The following EFNA1 variants were observed in gnomAD, a reference collection of about 807,000 sequenced individuals.
EFNA1 encodes ephrin A1.
Under a neutral mutation model 23.2 loss-of-function variants are expected in EFNA1, and 8 were observed. The ratio of observed to expected loss-of-function variants is 0.34; its 90% CI spans 0.20 to 0.62. EFNA1 has a LOEUF of 0.62. Among genes scored for constraint, EFNA1 ranks in the 20% least tolerant of loss-of-function variants. The probability of loss-of-function intolerance (pLI) is 0.75; values close to 1 mark genes in which losing one functional copy is unlikely to be tolerated. For missense variants in EFNA1, 217 were observed against 260.0 expected (o/e 0.83, Z 1.14); for synonymous variants, 89 against 98.6 (o/e 0.90, Z 0.58).
chr1:155,129,543 A>G (rs1012618628), intron 1 of EFNA1: 1 of 119,506 alleles, frequency 8.4e-6, no homozygotes. Flanking sequence ...ACACACACAC[A>G]CACACGCACA....
chr1:155,133,973 T>C lies in EFNA1; in HGVS notation c.524T>C (p.Val175Ala), dbSNP rs771450050. 19 of 1,613,800 alleles carry C rather than the reference T, an allele frequency of 1.2e-5. No individual in the cohort carries two copies. In the Admixed American group the frequency reaches 3.2e-4, roughly 27 times the overall value. Residue 175 changes from valine (V) to alanine (A), a missense_variant, in exon 5 of 5, where the codon GTT becomes GCT. By Grantham distance (64) the Val-to-Ala change is moderately conservative. Coordinates refer to ENST00000368407, the MANE Select transcript of EFNA1 (RefSeq NM_004428.3). ...CTTGCAGATGACCCAGAGGTGCGGG[T>C]TCTACATAGCATCGGTCACAGTGCT... Reference protein sequence around the residue: ...RLAADDPEVRVLHSIGHSAAP... With the variant: ...RLAADDPEVRALHSIGHSAAP...
chr1:155,132,896 CAGG>C (rs1388279580), intron 2 of EFNA1, among the ~76,000 whole-genome samples: 2 of 137,578 alleles, frequency 1.5e-5, no homozygotes, highest in African/African-American at 2.6e-5. Flanking sequence ...GGGGGCTAGG[CAGG>C]AGTAGTTTTT....
intron 1 of EFNA1, among the ~76,000 whole-genome samples, chr1:155,128,908 G>T (rs1664156411): frequency 6.6e-6 from 1 of 152,208 alleles, no homozygotes; most frequent in Admixed American, 6.5e-5. Context: ...AGGGAATACA[G>T]GAGAGGGTGG....
At position 155,131,098 on chromosome 1, in the gene EFNA1, G is replaced by T. The variant is rs1457013237; in HGVS notation, c.93-241G>T. 5 of 1,329,662 alleles carry T rather than the reference G, an allele frequency of 3.8e-6. No homozygotes were observed. In the East Asian group the frequency reaches 1.4e-4, roughly 37 times the overall value. 82.4% of individuals were successfully genotyped at this position (1,329,662 alleles called of 1,614,324 possible). A position where few individuals can be genotyped will look rare whatever the true frequency, so the allele number is the denominator to read the frequency against. ...ATGGAAAATGCTTTGGTACCCGAAA[G>T]ATACTGAGTGAATGCTATTTGAAGG... On this transcript the variant is annotated intron_variant, in intron 1 of 4. Transcript: ENST00000368407.
Position 155,134,079 on chromosome 1 carries a change from A to G in EFNA1, c.*12A>G. ...TGCAAACCCCGTGAAGGTGTATGCC[A>G]CACCTGGCCTTAAAGAGGGACAGGC... On this transcript the variant is annotated 3_prime_UTR_variant, in exon 5 of 5. Coordinates refer to ENST00000368407, the MANE Select transcript of EFNA1 (RefSeq NM_004428.3). 6.2e-7 allele frequency: 1 copy of G among 1,612,688 alleles called. No individual in the cohort carries two copies.
rs372698388 is a variant in EFNA1, at chr1:155,128,100, G to A, written c.92+31G>A. On this transcript the variant is annotated intron_variant, in intron 1 of 4. Coordinates refer to ENST00000368407, the MANE Select transcript of EFNA1 (RefSeq NM_004428.3). ...CCTCGAGACTCCCGCTGGCAGCCTGGGCTCCCGGCTGGCACTACCCCACCG... is the reference window on the plus strand; with the variant it reads ...CCTCGAGACTCCCGCTGGCAGCCTGAGCTCCCGGCTGGCACTACCCCACCG... 699 of 1,600,600 alleles carry A rather than the reference G, an allele frequency of 4.4e-4. 1 individual carries two copies. The highest frequency in any genetic ancestry group is 5.7e-4 in the Non-Finnish European group (661 of 1,169,830).
Position 155,133,992 on chromosome 1 carries a change from C to T in EFNA1, c.543C>T (p.His181=). The T allele has an allele frequency of 6.2e-7, 1 of 1,614,186 alleles. No individual in the cohort carries two copies. The highest frequency in any genetic ancestry group is 8.5e-7 in the Non-Finnish European group (1 of 1,180,034). ...PEVRVLHSIG[H]SAAPRLFPLA... ...TGCGGGTTCTACATAGCATCGGTCACAGTGCTGCCCCACGCCTCTTCCCAC... is the reference window on the plus strand; with the variant it reads ...TGCGGGTTCTACATAGCATCGGTCATAGTGCTGCCCCACGCCTCTTCCCAC... The change falls in exon 5 of 5, where the codon CAC becomes CAT. Residue 181 remains histidine, a synonymous_variant. Transcript: ENST00000368407.
chr1:155,133,367 G>A, intron 2 of EFNA1, 136 bp from the exon 3 acceptor site: 1 of 972,766 alleles, frequency 1.0e-6, no homozygotes, highest in East Asian at 2.5e-5. Context: ...AAACTAAGGA[G>A]GGTAGGAATC....
intron 1 of EFNA1, among the ~76,000 whole-genome samples, 192 bp downstream of exon 1, chr1:155,128,261 T>C (rs1320352436): frequency 6.6e-6 from 1 of 152,132 alleles, no homozygotes; most frequent in Admixed American, 6.5e-5. Context: ...TTGTGTCTAC[T>C]TGCATGGGCT....
At chr1:155,131,810 T>C (rs1285467573) in intron 2 of EFNA1, among the ~76,000 whole-genome samples, 176 bp downstream of exon 2, 1 of 152,184 alleles carries the variant, frequency 6.6e-6, no homozygotes, top group African/African-American at 2.4e-5. Flanking sequence ...GCACTCTGTT[T>C]AGCGCTATGA....
intron 1 of EFNA1, chr1:155,129,861 C>T: frequency 6.5e-6 from 1 of 152,700 alleles, no homozygotes; most frequent in Non-Finnish European, 1.5e-5. Context: ...GTCCTGGGGG[C>T]TGTGCACATT....
intron 1 of EFNA1, chr1:155,129,513 C>CCACA (rs34899613): frequency 0.02 from 2,898 of 145,908 alleles, 48 homozygotes; most frequent in African/African-American, 0.047. Context: ...GACCCTCTGG[C>CCACA]CACACACACA....
chr1:155,132,015 G>A (rs1664248432), intron 2 of EFNA1, among the ~76,000 whole-genome samples: 1 of 151,966 alleles, frequency 6.6e-6, no homozygotes, highest in Non-Finnish European at 1.5e-5. Context: ...CCAGAGCTCA[G>A]GACAAGCAGA....
At position 155,134,094 on chromosome 1, in the gene EFNA1, G is replaced by A. The variant is rs1664314882; in HGVS notation, c.*27G>A. On this transcript the variant is annotated 3_prime_UTR_variant, in exon 5 of 5. Transcript: ENST00000368407. ...GGTGTATGCCACACCTGGCCTTAAA[G>A]AGGGACAGGCTGAAGAGAGGGACAG... 6.2e-7 allele frequency: 1 copy of A among 1,607,304 alleles called. No homozygotes were observed. The highest frequency in any genetic ancestry group is 8.5e-7 in the Non-Finnish European group (1 of 1,175,980).
At position 155,133,732 on chromosome 1, in the gene EFNA1, C is replaced by G; in HGVS notation, c.457C>G (p.His153Asp). 6.2e-7 allele frequency: 1 copy of G among 1,614,120 alleles called. No homozygotes were observed. Among genetic ancestry groups the G allele is most frequent in the Non-Finnish European group, 8.5e-7 (1 of 1,180,004 alleles). Residue 153 changes from histidine (H) to aspartate (D), a missense_variant and splice_region_variant, in exon 4 of 5, where the codon CAC becomes GAC. Physicochemically the swap from His to Asp is moderately conservative, Grantham distance 81 (BLOSUM62 -1). Coordinates refer to ENST00000368407, the MANE Select transcript of EFNA1 (RefSeq NM_004428.3). The stretch of plus-strand genomic sequence containing the variant: ...CTACTACCACTCTTGTCTTTCAGCT[C>G]ACAGTCCTCAGGCCCATGACAATCC... ...LKVTVSGKITHSPQAHDNPQE... is the reference protein window; with the variant it reads ...LKVTVSGKITDSPQAHDNPQE...
At position 155,133,556 on chromosome 1, in the gene EFNA1, A is replaced by C. The variant is rs1571687089; in HGVS notation, c.442A>C (p.Ser148Arg). Residue 148 changes from serine (S) to arginine (R), a missense_variant, in exon 3 of 5, where the codon AGT becomes CGT. Transcript: ENST00000368407. ...CTGCTTGAGGTTGAAGGTGACTGTC[A>C]GTGGCAAAATCAGTGAGTGTCAGAG... ...DRCLRLKVTV[S>R]GKITHSPQAH... The C allele has an allele frequency of 6.2e-7, 1 of 1,613,890 alleles. No homozygotes were observed. Among genetic ancestry groups the C allele is most frequent in the East Asian group, 2.2e-5 (1 of 44,880 alleles).
intron 1 of EFNA1, 48 bp downstream of exon 1, chr1:155,128,117 A>AC: frequency 6.5e-7 from 1 of 1,530,858 alleles, no homozygotes; most frequent in Non-Finnish European, 9.0e-7. Flanking sequence ...GGCTGGCACT[A>AC]CCCCACCGGG....
rs752969888 is a variant in EFNA1 at position 155,131,482 on chromosome 1, T to G, written c.236T>G (p.Leu79Arg). The G allele has an allele frequency of 1.9e-6, 3 of 1,613,794 alleles. No homozygotes were observed. The Admixed American group carries it at 5.0e-5, about 27-fold the overall frequency. ...CTGGTGGAGCATGAGGAGTACCAGC[T>G]GTGCCAGCCCCAGTCCAAGGACCAA... ...LYLVEHEEYQ[L>R]CQPQSKDQVR... The change falls in exon 2 of 5, where the codon CTG becomes CGG. Residue 79 changes from leucine (L) to arginine (R), a missense_variant. By Grantham distance (102) the Leu-to-Arg change is moderately radical. Coordinates refer to ENST00000368407, the MANE Select transcript of EFNA1 (RefSeq NM_004428.3).
At chr1:155,130,415 G>A (rs1664207743) in intron 1 of EFNA1, 5 of 765,030 alleles carry the variant, frequency 6.5e-6, no homozygotes, top group Non-Finnish European at 7.9e-6. Context: ...TGGAGCCGGT[G>A]GGGCCAGGGG....
Sources: gnomAD v4.1 joint callset for allele counts (sites outside exome capture counted in the v4.1 genomes callset) on GRCh38, gnomAD v4.1.1 for gene constraint, MANE v1.5 for transcripts, NCBI Gene and HGNC (gene_info 2026-07-23, HGNC 2026-07-21) for gene names.